The following OPCML variants were observed in gnomAD, a reference collection of about 807,000 sequenced individuals.
OPCML encodes opioid binding protein/cell adhesion molecule like, also known as opioid-binding protein/cell adhesion molecule.
A neutral mutation model predicts 37.8 loss-of-function variants in OPCML; 13 were observed. The ratio of observed to expected loss-of-function variants is 0.34; its 90% CI spans 0.22 to 0.55. OPCML has a LOEUF of 0.55. Ranked by LOEUF, OPCML falls within the 20% of genes least tolerant of loss-of-function variation. The pLI, the probability that OPCML is intolerant of heterozygous loss-of-function variation, is 0.91. For synonymous variants in OPCML, 176 were observed against 168.8 expected, an observed-to-expected ratio of 1.04 and a Z score of -0.33; for missense variants, 341 against 435.6, an observed-to-expected ratio of 0.78 and a Z score of 1.93.
intron 1 of OPCML, among the ~76,000 whole-genome samples, chr11:133,200,977 C>G (rs183892506): frequency 6.6e-6 from 1 of 152,154 alleles, no homozygotes; most frequent in African/African-American, 2.4e-5. Context: ...ATGTCGTTTG[C>G]AGAAACATGG....
intron 1 of OPCML, among the ~76,000 whole-genome samples, chr11:132,987,723 A>G (rs1183522594): frequency 6.6e-6 from 1 of 152,160 alleles, no homozygotes; most frequent in Admixed American, 6.5e-5. Flanking sequence ...GTGGAGAAAA[A>G]GGAAGCATAG....
At chr11:132,796,087 G>A (rs1252517809) in intron 2 of OPCML, among the ~76,000 whole-genome samples, 1 of 152,164 alleles carries the variant, frequency 6.6e-6, no homozygotes, top group East Asian at 1.9e-4. Context: ...ATGACTTAAG[G>A]TATATAGGAG....
At chr11:132,580,637 C>A (rs1291152304) in intron 3 of OPCML, among the ~76,000 whole-genome samples, 2 of 152,150 alleles carry the variant, frequency 1.3e-5, no homozygotes, top group Non-Finnish European at 2.9e-5. Context: ...AATACTAATA[C>A]TTTCAGCACA....
intron 2 of OPCML, among the ~76,000 whole-genome samples, chr11:132,728,202 G>T (rs571743507): frequency 2.6e-4 from 40 of 152,328 alleles, no homozygotes; most frequent in South Asian, 2.1e-4. Context: ...GTCTCCCCTG[G>T]CCAGGCTCCT....
At chr11:133,368,788 C>G (rs1430334414) in intron 1 of OPCML, among the ~76,000 whole-genome samples, 1 of 152,180 alleles carries the variant, frequency 6.6e-6, no homozygotes, top group Non-Finnish European at 1.5e-5. Flanking sequence ...GAGGCCTCCA[C>G]TTAGGATAGG....
intron 1 of OPCML, among the ~76,000 whole-genome samples, chr11:133,074,077 G>A (rs956569967): frequency 1.3e-5 from 2 of 152,156 alleles, no homozygotes; most frequent in Admixed American, 6.5e-5. Context: ...ATTATTTGCC[G>A]AGATAGCTCG....
intron 2 of OPCML, among the ~76,000 whole-genome samples, chr11:132,838,852 C>G (rs7119787): frequency 0.89 from 135,293 of 152,108 alleles, 61,070 homozygotes; most frequent in Middle Eastern, 0.96. Context: ...CAGGAGATGA[C>G]TCAGCACCAG....
At chr11:133,049,473 A>C (rs1293741442) in intron 1 of OPCML, among the ~76,000 whole-genome samples, 1 of 152,228 alleles carries the variant, frequency 6.6e-6, no homozygotes. Context: ...CTTGACTTCT[A>C]TGGCCCTTAG....
At chr11:133,118,590 G>A (rs186649631) in intron 1 of OPCML, among the ~76,000 whole-genome samples, 4 of 152,000 alleles carry the variant, frequency 2.6e-5, no homozygotes, top group African/African-American at 7.2e-5. Context: ...GAGGCCGCAT[G>A]TATGGCCATC....
At chr11:133,462,572 G>T (rs1343747604) in intron 1 of OPCML, among the ~76,000 whole-genome samples, 2 of 149,390 alleles carry the variant, frequency 1.3e-5, no homozygotes, top group African/African-American at 5.1e-5. Context: ...CAATAAGCAT[G>T]TGAAAAGATG....
At chr11:133,127,632 CAAA>C (rs879535484) in intron 1 of OPCML, among the ~76,000 whole-genome samples, 1 of 107,588 alleles carries the variant, frequency 9.3e-6, no homozygotes, top group Non-Finnish European at 1.9e-5. Flanking sequence ...GGCTCTGTCT[CAAA>C]AAAAAAAAAA....
In OPCML at chr11:133,136,761, G is replaced by A. The variant is rs1039511724; in HGVS notation, c.62-193751C>T. Among the ~76,000 whole-genome samples the A allele has an allele frequency of 4.0e-5, 6 of 151,582 alleles. No individual in the cohort carries two copies. In the East Asian group the frequency reaches 5.9e-4, roughly 15 times the overall value. ...AGATTGGAAATTTAGGATGTGGCTCGATTTCGAAGAACCTAAAATGTTGGG... is the reference window on the plus strand; with the variant it reads ...AGATTGGAAATTTAGGATGTGGCTCAATTTCGAAGAACCTAAAATGTTGGG... On this transcript the variant is annotated intron_variant, in intron 1 of 7. Transcript: ENST00000524381.
intron 2 of OPCML, among the ~76,000 whole-genome samples, chr11:132,793,901 T>A (rs1017150169): frequency 6.6e-6 from 1 of 152,170 alleles, no homozygotes; most frequent in African/African-American, 2.4e-5. Flanking sequence ...CCAGGTGGCA[T>A]GGGTCTGGCT....
chr11:132,429,034 GGGATGGATGGATGGAT>G (rs71477763), intron 7 of OPCML, among the ~76,000 whole-genome samples: 355 of 146,580 alleles, frequency 2.4e-3, no homozygotes, highest in African/African-American at 7.8e-3. Flanking sequence ...AATGGATGGA[GGGATGGATGGATGGAT>G]GGATGGATGG....
At chr11:132,822,357 G>A (rs1436398216) in intron 2 of OPCML, among the ~76,000 whole-genome samples, 1 of 152,066 alleles carries the variant, frequency 6.6e-6, no homozygotes, top group Non-Finnish European at 1.5e-5. Flanking sequence ...ATTTGTAAAT[G>A]CATGAATAAC....
At chr11:133,362,769 A>C (rs1431511413) in intron 1 of OPCML, among the ~76,000 whole-genome samples, 1 of 152,062 alleles carries the variant, frequency 6.6e-6, no homozygotes, top group Non-Finnish European at 1.5e-5. Context: ...ATCCGTTCCA[A>C]ACTCCCACTG....
chr11:132,748,147 T>C (rs1945702942), intron 2 of OPCML, among the ~76,000 whole-genome samples: 1 of 151,968 alleles, frequency 6.6e-6, no homozygotes. Context: ...CGAAAAGTTA[T>C]CATAACAGAT....
chr11:132,845,794 C>T (rs1270394620), intron 2 of OPCML, among the ~76,000 whole-genome samples: 1 of 152,114 alleles, frequency 6.6e-6, no homozygotes, highest in Non-Finnish European at 1.5e-5. Flanking sequence ...TTCTCTGTTC[C>T]TCCCCTCCTA....
chr11:132,599,654 C>T (rs1383978473), intron 3 of OPCML, among the ~76,000 whole-genome samples: 1 of 152,094 alleles, frequency 6.6e-6, no homozygotes, highest in East Asian at 1.9e-4. Flanking sequence ...AGTGCCTACA[C>T]CTAGTTGTAT....
Sources: allele counts gnomAD v4.1 joint callset (sites outside exome capture counted in the v4.1 genomes callset), GRCh38; gene constraint gnomAD v4.1.1; transcripts MANE v1.5; gene names NCBI Gene and HGNC (gene_info 2026-07-23, HGNC 2026-07-21).